Variants in SORCS2 observed in about 807,000 individuals in gnomAD.
SORCS2 encodes the protein VPS10 domain-containing receptor SorCS2.
Under a neutral mutation model 141.6 loss-of-function variants are expected in SORCS2, and 100 were observed. The ratio of observed to expected loss-of-function variants is 0.71; its 90% CI spans 0.60 to 0.83. The LOEUF (loss-of-function observed/expected upper bound fraction) is 0.83. Ranked by LOEUF, SORCS2 falls within the 40% of genes least tolerant of loss-of-function variation. SORCS2 has a pLI of 0.00. For synonymous variants in SORCS2, 789 were observed against 676.9 expected, an observed-to-expected ratio of 1.17 and a Z score of -2.57; for missense variants, 1,646 against 1,560.2, an observed-to-expected ratio of 1.05 and a Z score of -0.93.
At chr4:7,473,816 T>G (rs1730126979) in intron 2 of SORCS2, among the ~76,000 whole-genome samples, 1 of 152,048 alleles carries the variant, frequency 6.6e-6, no homozygotes, top group African/African-American at 2.4e-5. Flanking sequence ...CAGTCACTGC[T>G]AGGCAGGATT....
chr4:7,521,216 C>T (rs963114895), intron 2 of SORCS2, among the ~76,000 whole-genome samples: 23 of 152,076 alleles, frequency 1.5e-4, no homozygotes, highest in Admixed American at 1.5e-3. Flanking sequence ...AAACAGCTTT[C>T]GTGCTGAAGG....
chr4:7,392,101 G>A (rs1055547592), intron 1 of SORCS2, among the ~76,000 whole-genome samples: 2 of 152,338 alleles, frequency 1.3e-5, no homozygotes, highest in African/African-American at 4.8e-5. Context: ...CAGGGGCTTC[G>A]TGGCTGCGCA....
chr4:7,223,133 G>A (rs1261479869), intron 1 of SORCS2, among the ~76,000 whole-genome samples: 5 of 152,088 alleles, frequency 3.3e-5, no homozygotes, highest in Non-Finnish European at 5.9e-5. Flanking sequence ...GATGAAGGAC[G>A]GGACTCATAC....
chr4:7,719,732 G>GA lies in SORCS2; in HGVS notation c.2424+1556dup, dbSNP rs201516993. On this transcript the variant is annotated intron_variant, in intron 18 of 26. Coordinates refer to ENST00000507866, the MANE Select transcript of SORCS2 (RefSeq NM_020777.3). ...CTGCCCGTCCGGGGCCGACTTCCAG[G>GA]AAAAAAATGGCCCTCTGCTGCCCCC... is the stretch of plus-strand genomic sequence containing the variant. Among the ~76,000 whole-genome samples, 935 of 152,216 alleles carry GA rather than the reference G, an allele frequency of 6.1e-3. 7 individuals carry two copies. Among genetic ancestry groups the GA allele is most frequent in the East Asian group, 0.02 (104 of 5,162 alleles).
chr4:7,303,294 T>A (rs1717565353), intron 1 of SORCS2, among the ~76,000 whole-genome samples: 1 of 152,196 alleles, frequency 6.6e-6, no homozygotes, highest in Non-Finnish European at 1.5e-5. Flanking sequence ...TTTTTAATTG[T>A]GTCAGGAACT....
intron 23 of SORCS2, among the ~76,000 whole-genome samples, chr4:7,730,967 G>T (rs970353505): frequency 6.6e-6 from 1 of 152,220 alleles, no homozygotes; most frequent in Non-Finnish European, 1.5e-5. Context: ...TGGAAGGCGT[G>T]GCCCGTGCAG....
At chr4:7,588,341 G>A (rs1485568031) in intron 3 of SORCS2, among the ~76,000 whole-genome samples, 2 of 152,214 alleles carry the variant, frequency 1.3e-5, no homozygotes, top group Non-Finnish European at 2.9e-5. Context: ...TGTTTCGGAT[G>A]AGGAGGAATG....
intron 1 of SORCS2, among the ~76,000 whole-genome samples, chr4:7,350,222 C>T (rs1488185906): frequency 2.0e-5 from 3 of 152,196 alleles, no homozygotes; most frequent in Non-Finnish European, 4.4e-5. Context: ...CCTTCCAAAC[C>T]AGGAAAGCAC....
chr4:7,297,117 C>T (rs1405664153), intron 1 of SORCS2, among the ~76,000 whole-genome samples: 1 of 152,162 alleles, frequency 6.6e-6, no homozygotes, highest in Non-Finnish European at 1.5e-5. Flanking sequence ...CCCTGGATGC[C>T]CATGGGTTCC....
At chr4:7,583,934 T>G (rs938809829) in intron 3 of SORCS2, among the ~76,000 whole-genome samples, 12 of 152,230 alleles carry the variant, frequency 7.9e-5, no homozygotes, top group African/African-American at 2.7e-4. Flanking sequence ...GCCTCTAATG[T>G]GCTACGTCTT....
At chr4:7,216,467 G>A (rs1023086711) in intron 1 of SORCS2, among the ~76,000 whole-genome samples, 1 of 152,220 alleles carries the variant, frequency 6.6e-6, no homozygotes, top group Admixed American at 6.5e-5. Flanking sequence ...ATTGTCTTAT[G>A]GTTCTGGAGG....
At chr4:7,390,741 G>A (rs1269314669) in intron 1 of SORCS2, among the ~76,000 whole-genome samples, 1 of 152,224 alleles carries the variant, frequency 6.6e-6, no homozygotes, top group Non-Finnish European at 1.5e-5. Flanking sequence ...CTCGTTCCTG[G>A]TGGATGCTGG....
intron 2 of SORCS2, among the ~76,000 whole-genome samples, chr4:7,491,997 A>T (rs1731344464): frequency 6.6e-6 from 1 of 152,210 alleles, no homozygotes; most frequent in Non-Finnish European, 1.5e-5. Context: ...GAGGCTGGGC[A>T]GGGCAGGGGC....
At chr4:7,450,523 A>T (rs187667378) in intron 2 of SORCS2, among the ~76,000 whole-genome samples, 72 of 152,330 alleles carry the variant, frequency 4.7e-4, no homozygotes, top group Non-Finnish European at 2.8e-4. Flanking sequence ...TCAGGCTCCC[A>T]ACCTTGCCCC....
chr4:7,239,998 C>G (rs756579593), intron 1 of SORCS2, among the ~76,000 whole-genome samples: 1 of 152,130 alleles, frequency 6.6e-6, no homozygotes, highest in East Asian at 1.9e-4. Flanking sequence ...CTGTGGGGAG[C>G]ACAGGAAAGC....
At chr4:7,702,301 T>C (rs1372174129) in intron 12 of SORCS2, among the ~76,000 whole-genome samples, 1 of 152,172 alleles carries the variant, frequency 6.6e-6, no homozygotes, top group African/African-American at 2.4e-5. Flanking sequence ...GGCGATGTGT[T>C]GGAGATGGCT....
At chr4:7,406,700 T>G (rs2109141689) in intron 2 of SORCS2, among the ~76,000 whole-genome samples, 1 of 152,144 alleles carries the variant, frequency 6.6e-6, no homozygotes, top group Middle Eastern at 3.4e-3. Flanking sequence ...ATTGATTTTC[T>G]GTATAGTTTG....
chr4:7,733,412 A>G lies in SORCS2; in HGVS notation c.3199A>G (p.Thr1067Ala), dbSNP rs962380754. 6.3e-7 allele frequency: 1 copy of G among 1,587,076 alleles called. No individual in the cohort carries two copies. The highest frequency in any genetic ancestry group is 8.6e-7 in the Non-Finnish European group (1 of 1,166,998). The stretch of plus-strand genomic sequence containing the variant: ...CCGGGTCCTGGTGGCCCTGCGGGAC[A>G]CAGGCACAGGTGAGCCACTGGGAGC... Reference protein sequence around the residue: ...GVRVLVALRDTGTGAEQLGGG... With the variant: ...GVRVLVALRDAGTGAEQLGGG... Residue 1067 changes from threonine to alanine, a missense_variant, in exon 24 of 27, where the codon ACA (threonine) becomes GCA (alanine). Coordinates refer to ENST00000507866, the MANE Select transcript of SORCS2 (RefSeq NM_020777.3).
intron 11 of SORCS2, 49 bp downstream of exon 11, chr4:7,689,637 G>C: frequency 6.7e-7 from 1 of 1,503,690 alleles, no homozygotes; most frequent in Non-Finnish European, 9.0e-7. Context: ...TACAGCCCAA[G>C]AGTACCTCCA....
Sources: allele counts gnomAD v4.1 joint callset (sites outside exome capture counted in the v4.1 genomes callset), GRCh38; gene constraint gnomAD v4.1.1; transcripts MANE v1.5; gene names NCBI Gene and HGNC (gene_info 2026-07-23, HGNC 2026-07-21).